CROCC2: variants seen among roughly 807,000 people sequenced by gnomAD.
The protein encoded by CROCC2 is ciliary rootlet coiled-coil protein 2.
A neutral mutation model predicts 177.6 loss-of-function variants in CROCC2; 163 were observed. That is an observed-to-expected ratio of 0.92 (90% CI 0.81 to 1.05). The LOEUF is 1.05. Among genes scored for constraint, CROCC2 ranks in the 50% least tolerant of loss-of-function variants. CROCC2 has a pLI of 0.00. For synonymous variants in CROCC2, 904 were observed against 787.3 expected (o/e 1.15, Z -2.48); for missense variants, 1,929 against 1,797.8 (o/e 1.07, Z -1.32).
rs1468113850 is a variant in CROCC2 at position 240,933,304 on chromosome 2, G to C, written c.1425G>C (p.Glu475Asp). ...LRGQLEAQRLEVQQCRASCKL... is the reference protein window; with the variant it reads ...LRGQLEAQRLDVQQCRASCKL... ...GCCAGCTGGAGGCCCAGAGGCTCGA[G>C]GTGCAGCAGTGCCGGGCATCCTGCA... The change falls in exon 10 of 32, where the codon GAG becomes GAC. Residue 475 changes from glutamate to aspartate, a missense_variant. Coordinates refer to ENST00000690015, the MANE Select transcript of CROCC2 (RefSeq NM_001351305.2). 1.3e-6 allele frequency: 2 copies of C among 1,541,286 alleles called. No homozygotes were observed. Among genetic ancestry groups the C allele is most frequent in the Non-Finnish European group, 1.7e-6 (2 of 1,144,614 alleles).
chr2:240,925,041 A>G (rs1204044349), intron 4 of CROCC2, among the ~76,000 whole-genome samples: 1 of 145,852 alleles, frequency 6.9e-6, no homozygotes, highest in Non-Finnish European at 1.5e-5. Context: ...CCAGCCCTGC[A>G]CAGCAACCAA....
rs776308668 is a variant in CROCC2, at chr2:240,930,211, T to C, written c.691T>C (p.Trp231Arg). The stretch of plus-strand genomic sequence containing the variant: ...GCAGCCCCGGGACCTCCTCCTCCTG[T>C]GGAGACAGGCCGTGGTGCTGGGGAC... ...LGQPRDLLLL[W>R]RQAVVLGTDL... The change falls in exon 6 of 32, where the codon TGG becomes CGG. Residue 231 changes from tryptophan (W) to arginine (R), a missense_variant. Around this residue, in one of 3 missense-constraint regions of CROCC2, gnomAD observed 1,397 missense variants for 1,239.9 expected, o/e 1.13. Transcript: ENST00000690015. 2 of 594,576 alleles carry C rather than the reference T, an allele frequency of 3.4e-6. No homozygotes were observed. The highest frequency in any genetic ancestry group is 4.3e-5 in the South Asian group (2 of 46,920). 36.8% of individuals were successfully genotyped at this position (594,576 alleles called of 1,614,324 possible).
intron 28 of CROCC2, chr2:240,985,775 T>C (rs2059837013): frequency 7.7e-6 from 2 of 260,586 alleles, no homozygotes; most frequent in Non-Finnish European, 1.5e-5. Flanking sequence ...ACCCAGGCAC[T>C]CAGCACACAC....
intron 5 of CROCC2, among the ~76,000 whole-genome samples, chr2:240,929,501 C>A (rs986505089): frequency 6.6e-6 from 1 of 151,822 alleles, no homozygotes; most frequent in Non-Finnish European, 1.5e-5. Context: ...CAATTCCCCC[C>A]ATTCCTGCCC....
intron 31 of CROCC2, among the ~76,000 whole-genome samples, chr2:240,991,640 C>T (rs1048213945): frequency 2.0e-5 from 3 of 152,212 alleles, no homozygotes; most frequent in South Asian, 2.1e-4. Context: ...CCTTCCCCTC[C>T]GGCAGAGAGC....
Position 240,918,268 on chromosome 2 carries a change from G to A in CROCC2, c.79-458G>A, listed in dbSNP as rs978198416. Among the ~76,000 whole-genome samples the A allele has an allele frequency of 6.6e-6, 1 of 152,146 alleles. No homozygotes were observed. Among genetic ancestry groups the A allele is most frequent in the Admixed American group, 6.5e-5 (1 of 15,282 alleles). On this transcript the variant is annotated intron_variant, in intron 1 of 31. Transcript: ENST00000690015. The surrounding 1 kb of genome is among the most constrained non-coding windows in gnomAD (Gnocchi z 6.3). ...CACACACAAACACACTGGGCTCTGT[G>A]ACTGCTGCGTGGGATCTAGGTCCCT... is the stretch of plus-strand genomic sequence containing the variant.
At position 240,991,174 on chromosome 2, in the gene CROCC2, T is replaced by C. The variant is rs192029801; in HGVS notation, c.4864-22T>C. Reference sequence around the variant, plus strand: ...GGCCGTGCAGCCTGCCCACCTGACCTGAGCCACTGTCCTGTCCCCAGGTGG... The same window carrying C: ...GGCCGTGCAGCCTGCCCACCTGACCCGAGCCACTGTCCTGTCCCCAGGTGG... On this transcript the variant is annotated intron_variant, in intron 30 of 31. Coordinates refer to ENST00000690015, the MANE Select transcript of CROCC2 (RefSeq NM_001351305.2). 2.2e-3 allele frequency: 3,338 copies of C among 1,522,230 alleles called. 44 individuals carry two copies. The Middle Eastern group carries it at 0.023, about 10-fold the overall frequency. The allele number at this position is 1,522,230 out of a possible 1,614,324, so 94.3% of individuals were successfully genotyped here.
At chr2:240,941,004 T>A (rs114982800) in intron 14 of CROCC2, among the ~76,000 whole-genome samples, 5,169 of 152,244 alleles carry the variant, frequency 0.034, 116 homozygotes, top group Non-Finnish European at 0.053. Flanking sequence ...GGATACAAAA[T>A]TAGTGTACAC....
chr2:240,959,397 G>C lies in CROCC2; in HGVS notation c.3040G>C (p.Glu1014Gln). 1 of 1,550,508 alleles carries C rather than the reference G, an allele frequency of 6.4e-7. No individual in the cohort carries two copies. The highest frequency in any genetic ancestry group is 8.7e-7 in the Non-Finnish European group (1 of 1,146,910). ...TCAGAGGGAGACCACGGCCCTACGC[G>C]AGAGCCTCCAGGACCTAGCGGCTGA... ...AHQRETTALR[E>Q]SLQDLAAERG... is the part of the protein sequence containing the mutation. The change falls in exon 20 of 32, where the codon GAG (glutamate) becomes CAG (glutamine). Residue 1014 changes from glutamate (E) to glutamine (Q), a missense_variant. Transcript: ENST00000690015.
intron 14 of CROCC2, among the ~76,000 whole-genome samples, chr2:240,942,868 T>TA (rs1419899806): frequency 1.3e-5 from 2 of 152,176 alleles, no homozygotes; most frequent in African/African-American, 2.4e-5. Context: ...GTCTTTTTTT[T>TA]ATTATCTTTA....
chr2:240,961,698 G>A (rs1381732677), intron 20 of CROCC2, among the ~76,000 whole-genome samples: 3 of 136,334 alleles, frequency 2.2e-5, no homozygotes, highest in Non-Finnish European at 3.1e-5. Flanking sequence ...GCATACGGAC[G>A]TGCACACACA....
At chr2:240,916,261 C>T (rs2059319445) in intron 1 of CROCC2, among the ~76,000 whole-genome samples, 1 of 151,866 alleles carries the variant, frequency 6.6e-6, no homozygotes, top group Non-Finnish European at 1.5e-5. Context: ...CCTGCCTCTC[C>T]CCTGCTTGCT....
At position 240,983,328 on chromosome 2, in the gene CROCC2, A is replaced by G. The variant is rs1158259346; in HGVS notation, c.4551+299A>G. The G allele has an allele frequency of 3.2e-6, 4 of 1,259,852 alleles. No individual in the cohort carries two copies. In the Admixed American group the frequency reaches 8.4e-5, roughly 26 times the overall value. The allele number at this position is 1,259,852 out of a possible 1,614,324, so 78.0% of individuals were successfully genotyped here. A position where few individuals can be genotyped will look rare whatever the true frequency, so the allele number is the denominator to read the frequency against. On this transcript the variant is annotated intron_variant, in intron 28 of 31. Coordinates refer to ENST00000690015, the MANE Select transcript of CROCC2 (RefSeq NM_001351305.2). Reference sequence around the variant, plus strand: ...CTGTGGACACGCCGTTTAGGAGAAAATAAGTTGAGGCCAGAGCCAGCCTTA... The same window carrying G: ...CTGTGGACACGCCGTTTAGGAGAAAGTAAGTTGAGGCCAGAGCCAGCCTTA...
intron 3 of CROCC2, 54 bp from the exon 4 acceptor site, chr2:240,922,485 C>A: frequency 1.5e-6 from 1 of 652,452 alleles, no homozygotes. Context: ...GCCCCAGCCC[C>A]TGCCTGGCGG....
chr2:240,957,874 CA>C, intron 19 of CROCC2: 1 of 653,070 alleles, frequency 1.5e-6, no homozygotes, highest in Non-Finnish European at 1.9e-6. Context: ...ACCACTGGCC[CA>C]GCAGCTCTCT....
chr2:240,962,844 G>C (rs551920641), intron 20 of CROCC2, among the ~76,000 whole-genome samples: 1 of 152,298 alleles, frequency 6.6e-6, no homozygotes, highest in South Asian at 2.1e-4. Context: ...GTGCTGGGGA[G>C]GGCCTTCCTG....
At position 240,989,124 on chromosome 2, in the gene CROCC2, G is replaced by A. The variant is rs546854508; in HGVS notation, c.4683+254G>A. Among the ~76,000 whole-genome samples, 100 of 152,270 alleles carry A rather than the reference G, an allele frequency of 6.6e-4. 2 individuals carry two copies. The South Asian group carries it at 0.018, about 28-fold the overall frequency. On this transcript the variant is annotated intron_variant, in intron 29 of 31. Transcript: ENST00000690015. ...TGAAGTCCCCATGGGAGCCAGGCCC[G>A]GGCTCTGTAGAGCAGCACAAGGGCC...
At chr2:240,913,104 C>T (rs1299318355) in intron 1 of CROCC2, among the ~76,000 whole-genome samples, 3 of 152,218 alleles carry the variant, frequency 2.0e-5, no homozygotes, top group Non-Finnish European at 4.4e-5. Flanking sequence ...CTCAGGAACC[C>T]CCACTAGCCC....
In CROCC2 at chr2:240,960,568, G is replaced by T. The variant is rs2059624756; in HGVS notation, c.3087+1124G>T. Among the ~76,000 whole-genome samples the T allele has an allele frequency of 6.6e-6, 1 of 152,058 alleles. No individual in the cohort carries two copies. Among genetic ancestry groups the T allele is most frequent in the African/African-American group, 2.4e-5 (1 of 41,414 alleles). ...CGGATCTGGGCTAGAGGAGGGGAGG[G>T]TCAGCTGGAGCCCCAGCGGGGCCCA... On this transcript the variant is annotated intron_variant, in intron 20 of 31. Transcript: ENST00000690015. The surrounding 1 kb of genome is among the most constrained non-coding windows in gnomAD (Gnocchi z 5.0).
Sources: gnomAD v4.1 joint callset for allele counts (sites outside exome capture counted in the v4.1 genomes callset) on GRCh38, gnomAD v4.1.1 for gene constraint, gnomAD v4.1.1 regional missense constraint, Gnocchi (gnomAD v3.1) non-coding constraint, MANE v1.5 for transcripts, NCBI Gene and HGNC (gene_info 2026-07-23, HGNC 2026-07-21) for gene names.